CSMD1: variants seen among roughly 807,000 people sequenced by gnomAD.
CSMD1 encodes the protein CUB and sushi domain-containing protein 1.
CSMD1 carries 213 observed loss-of-function variants against 417.5 expected under a neutral mutation model. The ratio of observed to expected loss-of-function variants is 0.51; its 90% CI spans 0.46 to 0.57. The LOEUF (loss-of-function observed/expected upper bound fraction) is 0.57, where lower values mean the gene tolerates loss of function less well. Ranked by LOEUF, CSMD1 falls within the 20% of genes least tolerant of loss-of-function variation. CSMD1 has a pLI of 0.00. For missense variants in CSMD1, 6,923 were observed against 4,529.7 expected (o/e 1.53, Z -15.17); for synonymous variants, 2,862 against 1,736.8 (o/e 1.65, Z -16.11).
At chr8:4,688,609 C>A (rs995128918) in intron 1 of CSMD1, among the ~76,000 whole-genome samples, 2 of 152,196 alleles carry the variant, frequency 1.3e-5, no homozygotes, top group African/African-American at 2.4e-5. Flanking sequence ...TTTTATTCAA[C>A]TGAATGTCAT....
At chr8:4,348,508 G>T (rs1038643445) in intron 3 of CSMD1, among the ~76,000 whole-genome samples, 22 of 151,318 alleles carry the variant, frequency 1.5e-4, no homozygotes, top group African/African-American at 5.3e-4. Flanking sequence ...TTAATAAGTT[G>T]TATCTGCAAA....
intron 5 of CSMD1, among the ~76,000 whole-genome samples, chr8:3,884,944 T>TATATAC (rs1247548041): frequency 7.4e-4 from 110 of 148,714 alleles, no homozygotes; most frequent in Non-Finnish European, 1.3e-3. Context: ...TATATATATA[T>TATATAC]ACACACACAC....
intron 2 of CSMD1, among the ~76,000 whole-genome samples, chr8:4,464,697 T>C (rs1331111336): frequency 1.3e-5 from 2 of 152,040 alleles, no homozygotes; most frequent in African/African-American, 4.8e-5. Context: ...CCAAACTCTG[T>C]ATTGTTGTGT....
At chr8:4,745,041 T>A (rs1810865171) in intron 1 of CSMD1, among the ~76,000 whole-genome samples, 1 of 152,166 alleles carries the variant, frequency 6.6e-6, no homozygotes, top group Non-Finnish European at 1.5e-5. Flanking sequence ...AACTAATATA[T>A]ATTCTTTTTT....
chr8:4,470,722 T>A (rs1220556781), intron 2 of CSMD1, among the ~76,000 whole-genome samples: 2 of 152,160 alleles, frequency 1.3e-5, no homozygotes, highest in African/African-American at 2.4e-5. Flanking sequence ...AGAAGAAAGG[T>A]AAAATGAACA....
chr8:3,040,387 A>AATATATATAT (rs35722761), intron 50 of CSMD1, among the ~76,000 whole-genome samples: 1,846 of 137,436 alleles, frequency 0.013, 26 homozygotes, highest in Admixed American at 0.032. Flanking sequence ...TACACATTGA[A>AATATATATAT]ATATATATAT....
chr8:4,508,000 C>T (rs1802616883), intron 2 of CSMD1, among the ~76,000 whole-genome samples: 1 of 150,978 alleles, frequency 6.6e-6, no homozygotes, highest in Admixed American at 6.6e-5. Context: ...ACAGACAAAA[C>T]TGAACGTTTC....
chr8:3,067,635 T>A (rs913672456), intron 49 of CSMD1, among the ~76,000 whole-genome samples: 1 of 149,758 alleles, frequency 6.7e-6, no homozygotes. Flanking sequence ...TATAATAACA[T>A]TGATCAACAT....
chr8:3,203,779 C>A (rs943163307), intron 31 of CSMD1, among the ~76,000 whole-genome samples: 1 of 152,138 alleles, frequency 6.6e-6, no homozygotes, highest in Non-Finnish European at 1.5e-5. Flanking sequence ...CTTGGCTATG[C>A]TTTTGGATGA....
chr8:4,156,342 C>T (rs1051116749), intron 3 of CSMD1, among the ~76,000 whole-genome samples: 1 of 152,082 alleles, frequency 6.6e-6, no homozygotes, highest in African/African-American at 2.4e-5. Context: ...AGTTTATGTT[C>T]TCTCTGGTTT....
At chr8:4,755,692 A>C (rs756489648) in intron 1 of CSMD1, among the ~76,000 whole-genome samples, 1 of 152,230 alleles carries the variant, frequency 6.6e-6, no homozygotes, top group Non-Finnish European at 1.5e-5. Flanking sequence ...TCGCAGTTAA[A>C]GTTTCACACA....
intron 17 of CSMD1, among the ~76,000 whole-genome samples, chr8:3,388,495 G>A (rs1043546077): frequency 2.0e-5 from 3 of 152,176 alleles, no homozygotes; most frequent in Admixed American, 1.3e-4. Flanking sequence ...GTAAACATCA[G>A]AACATTAGAA....
In CSMD1 at chr8:3,580,675, A is replaced by C. The variant is rs896846711; in HGVS notation, c.1222+5461T>G. Among the ~76,000 whole-genome samples, 4 of 152,206 alleles carry C rather than the reference A, an allele frequency of 2.6e-5. No homozygotes were observed. In the East Asian group the frequency reaches 7.7e-4, roughly 29 times the overall value. ...AGGAAACAGCAGCAGAAATTTCTCC[A>C]AATTCACAGGAATTAAAAATTAACC... On this transcript the variant is annotated intron_variant, in intron 9 of 69. Coordinates refer to ENST00000635120, the MANE Select transcript of CSMD1 (RefSeq NM_033225.6).
At chr8:4,758,899 C>T (rs747615662) in intron 1 of CSMD1, among the ~76,000 whole-genome samples, 11 of 152,168 alleles carry the variant, frequency 7.2e-5, no homozygotes, top group Admixed American at 6.5e-4. Flanking sequence ...AAAGCTTAAC[C>T]ACATCATTCA....
intron 9 of CSMD1, among the ~76,000 whole-genome samples, chr8:3,577,537 G>C (rs1460111790): frequency 1.3e-5 from 2 of 152,158 alleles, no homozygotes; most frequent in Admixed American, 1.3e-4. Context: ...ATTCAGACCA[G>C]AGATTTGTGT....
chr8:4,185,475 A>G (rs776679305), intron 3 of CSMD1, among the ~76,000 whole-genome samples: 1 of 152,160 alleles, frequency 6.6e-6, no homozygotes, highest in South Asian at 2.1e-4. Flanking sequence ...TACAGACTCA[A>G]TACAGATCCA....
intron 3 of CSMD1, among the ~76,000 whole-genome samples, chr8:4,348,425 T>A (rs1800898855): frequency 6.6e-6 from 1 of 152,088 alleles, no homozygotes. Flanking sequence ...TCTGTATTTT[T>A]AAAAATCAGA....
At chr8:3,067,918 G>A (rs547000970) in intron 49 of CSMD1, among the ~76,000 whole-genome samples, 1 of 152,162 alleles carries the variant, frequency 6.6e-6, no homozygotes, top group Non-Finnish European at 1.5e-5. Flanking sequence ...GATTTATCCA[G>A]AGTTCATCTA....
intron 3 of CSMD1, among the ~76,000 whole-genome samples, chr8:4,150,016 A>G (rs777529028): frequency 2.0e-5 from 3 of 152,218 alleles, no homozygotes; most frequent in Non-Finnish European, 2.9e-5. Context: ...TGCCTTTAAA[A>G]TATCCTCAAC....
Sources: allele counts gnomAD v4.1 joint callset (sites outside exome capture counted in the v4.1 genomes callset), GRCh38; gene constraint gnomAD v4.1.1; transcripts MANE v1.5; gene names NCBI Gene and HGNC (gene_info 2026-07-23, HGNC 2026-07-21).